The following TNRC6C variants were observed in gnomAD, a reference collection of about 807,000 sequenced individuals.
TNRC6C encodes trinucleotide repeat containing adaptor 6C.
In TNRC6C, 20 loss-of-function variants were observed where a neutral mutation model predicts 153.7. The ratio of observed to expected loss-of-function variants is 0.13; its 90% CI spans 0.09 to 0.19. The LOEUF (loss-of-function observed/expected upper bound fraction) is 0.19, where lower values mean the gene tolerates loss of function less well. Among genes scored for constraint, TNRC6C ranks in the 10% least tolerant of loss-of-function variants. The probability of loss-of-function intolerance (pLI) is 1.00; values close to 1 mark genes in which losing one functional copy is unlikely to be tolerated. For synonymous variants in TNRC6C, 811 were observed against 841.4 expected, an observed-to-expected ratio of 0.96 and a Z score of 0.63; for missense variants, 1,987 against 2,172.0, an observed-to-expected ratio of 0.91 and a Z score of 1.69.
At chr17:77,965,078 G>T (rs1164867278) in intron 1 of TNRC6C, among the ~76,000 whole-genome samples, 1 of 152,152 alleles carries the variant, frequency 6.6e-6, no homozygotes, top group African/African-American at 2.4e-5. Context: ...ATGTGCCAAG[G>T]ACATGAGTTT....
chr17:78,009,391 T>TTA (rs2071582195), intron 1 of TNRC6C, among the ~76,000 whole-genome samples: 1 of 152,196 alleles, frequency 6.6e-6, no homozygotes. Context: ...TTAACTATGA[T>TTA]AATTTTCATA....
exon 18 of TNRC6C, chr17:78,102,520 C>T (rs1385595297): frequency 3.7e-6 from 6 of 1,605,220 alleles, no homozygotes; most frequent in Non-Finnish European, 5.1e-6. Context: ...GCAGCTGGCT[C>T]GTTCTTCGAA....
At chr17:78,057,974 G>T (rs147249220) in intron 3 of TNRC6C, among the ~76,000 whole-genome samples, 1 of 152,276 alleles carries the variant, frequency 6.6e-6, no homozygotes, top group African/African-American at 2.4e-5. Flanking sequence ...AAACTGGATT[G>T]TCTGGACCTG....
At chr17:77,992,838 C>A (rs2071272538) in intron 1 of TNRC6C, among the ~76,000 whole-genome samples, 1 of 152,080 alleles carries the variant, frequency 6.6e-6, no homozygotes, top group African/African-American at 2.4e-5. Context: ...CCGTAAAGGA[C>A]AGAGAGAGGA....
intron 1 of TNRC6C, among the ~76,000 whole-genome samples, chr17:77,975,098 T>C (rs2070979540): frequency 6.6e-6 from 1 of 152,212 alleles, no homozygotes; most frequent in African/African-American, 2.4e-5. Flanking sequence ...GAAATTTCTT[T>C]AAGTCTCATG....
exon 17 of TNRC6C, chr17:78,098,385 C>T (rs1465826215): frequency 6.2e-7 from 1 of 1,613,766 alleles, no homozygotes; most frequent in Non-Finnish European, 8.5e-7. Context: ...TCTGGCCCTA[C>T]CTCCCACACG....
chr17:78,048,988 A>C, exon 3 of TNRC6C: 1 of 1,410,486 alleles, frequency 7.1e-7, no homozygotes, highest in Non-Finnish European at 9.3e-7. Context: ...CATCACAGGA[A>C]CAGAGACTGA....
rs2072472263 is a variant in TNRC6C, at chr17:78,049,332, C to T, written c.270C>T (p.Ser90=). ...GAAGTCAGAATTGCTGGGGTGCTTCCAACTCCAATGCTGGCATTAATCTTA... is the reference window on the plus strand; with the variant it reads ...GAAGTCAGAATTGCTGGGGTGCTTCTAACTCCAATGCTGGCATTAATCTTA... The change falls in exon 3 of 20, where the codon TCC becomes TCT. Residue 90 remains serine (S), a synonymous_variant. Coordinates refer to ENST00000301624, the Ensembl canonical transcript of TNRC6C. The surrounding 1 kb of genome is among the most constrained non-coding windows in gnomAD (Gnocchi z 4.1). The T allele has an allele frequency of 6.2e-7, 1 of 1,613,854 alleles. No individual in the cohort carries two copies. Among genetic ancestry groups the T allele is most frequent in the Admixed American group, 1.7e-5 (1 of 60,012 alleles).
In TNRC6C at chr17:78,080,870, A is replaced by G. The variant is rs537046229; in HGVS notation, c.3357+1329A>G. Among the ~76,000 whole-genome samples the G allele has an allele frequency of 1.9e-4, 29 of 152,320 alleles. 2 individuals are homozygous for G. Among genetic ancestry groups the G allele is most frequent in the African/African-American group, 6.5e-4 (27 of 41,562 alleles). Reference sequence around the variant, plus strand: ...AAATTTCTGAGGGATCTTATGTTCAATCTGTTCCAAAAGAGAACGTGTTAA... The same window carrying G: ...AAATTTCTGAGGGATCTTATGTTCAGTCTGTTCCAAAAGAGAACGTGTTAA... On this transcript the variant is annotated intron_variant, in intron 10 of 19. Coordinates refer to ENST00000301624, the Ensembl canonical transcript of TNRC6C.
chr17:78,077,602 C>G (rs141994894), intron 9 of TNRC6C: 2 of 503,546 alleles, frequency 4.0e-6, no homozygotes, highest in African/African-American at 3.9e-5. Flanking sequence ...TTGGGACTGG[C>G]TAAAGTGATG....
chr17:78,088,508 C>A (rs1228222548), intron 13 of TNRC6C, among the ~76,000 whole-genome samples: 1 of 152,038 alleles, frequency 6.6e-6, no homozygotes, highest in African/African-American at 2.4e-5. Flanking sequence ...AGGCCTGAGA[C>A]ACCATACTGA....
chr17:78,074,725 A>C (rs1269769979), intron 7 of TNRC6C, among the ~76,000 whole-genome samples: 2 of 152,236 alleles, frequency 1.3e-5, no homozygotes, highest in Non-Finnish European at 2.9e-5. Context: ...ATAATCGGGA[A>C]GGCCCCTGCA....
exon 16 of TNRC6C, chr17:78,093,704 C>A (rs1174458639): frequency 6.2e-7 from 1 of 1,613,978 alleles, no homozygotes; most frequent in South Asian, 1.1e-5. Context: ...AGTGTCCCCA[C>A]TGGGCCTACC....
exon 15 of TNRC6C, chr17:78,093,014 A>G: frequency 6.2e-7 from 1 of 1,613,906 alleles, no homozygotes; most frequent in Non-Finnish European, 8.5e-7. Flanking sequence ...GATTTAATCC[A>G]GAACAGTGAG....
At chr17:78,060,854 A>G (rs2072754567) in intron 3 of TNRC6C, among the ~76,000 whole-genome samples, 1 of 152,240 alleles carries the variant, frequency 6.6e-6, no homozygotes. Flanking sequence ...TAGAGGAAAG[A>G]ATTTCATCCA....
intron 1 of TNRC6C, among the ~76,000 whole-genome samples, chr17:77,977,601 A>G (rs1413070483): frequency 1.3e-5 from 2 of 152,226 alleles, no homozygotes; most frequent in Non-Finnish European, 2.9e-5. Context: ...GAGAATTCAG[A>G]AAACCTAAAT....
chr17:78,093,311 A>G (rs1459541616), intron 15 of TNRC6C, 187 bp downstream of exon 17: 1 of 738,760 alleles, frequency 1.4e-6, no homozygotes, highest in Non-Finnish European at 2.2e-6. Flanking sequence ...AGCATCAGGC[A>G]TTTTTCTGTA....
chr17:77,963,985 T>C (rs1467048103), intron 1 of TNRC6C, among the ~76,000 whole-genome samples: 1 of 152,190 alleles, frequency 6.6e-6, no homozygotes, highest in African/African-American at 2.4e-5. Flanking sequence ...AATACTTCTT[T>C]TCTGTTGGAG....
intron 3 of TNRC6C, among the ~76,000 whole-genome samples, chr17:78,063,245 CA>C (rs1437113204): frequency 6.8e-6 from 1 of 147,364 alleles, no homozygotes; most frequent in East Asian, 2.0e-4. Context: ...ACTCTGTCTC[CA>C]AAATATATAT....
Sources: gnomAD v4.1 joint callset for allele counts (sites outside exome capture counted in the v4.1 genomes callset) on GRCh38, gnomAD v4.1.1 for gene constraint, Gnocchi (gnomAD v3.1) non-coding constraint, MANE v1.5 for transcripts, NCBI Gene and HGNC (gene_info 2026-07-23, HGNC 2026-07-21) for gene names.